RSRC2: variants seen among roughly 807,000 people sequenced by gnomAD.
RSRC2 encodes arginine/serine-rich coiled-coil protein 2.
Under a neutral mutation model 61.3 loss-of-function variants are expected in RSRC2, and 5 were observed. The observed-to-expected ratio is 0.08, with a 90% CI of 0.04 to 0.17. RSRC2 has a LOEUF of 0.17. Ranked by LOEUF, RSRC2 falls within the 10% of genes least tolerant of loss-of-function variation. The pLI is 1.00. For missense variants in RSRC2, 381 were observed against 518.8 expected, an observed-to-expected ratio of 0.73 and a Z score of 2.58; for synonymous variants, 202 against 166.5, an observed-to-expected ratio of 1.21 and a Z score of -1.64.
At chr12:122,517,473 GTT>G (rs1448494262) in intron 4 of RSRC2, 43 bp from the exon 5 acceptor site, 1 of 1,611,764 alleles carries the variant, frequency 6.2e-7, no homozygotes, top group Non-Finnish European at 8.5e-7. Context: ...TAAAAGTTGT[GTT>G]GTTTCATTTA....
chr12:122,521,478 T>C, intron 2 of RSRC2, 50 bp from the exon 3 acceptor site: 1 of 1,519,022 alleles, frequency 6.6e-7, no homozygotes, highest in South Asian at 1.1e-5. Flanking sequence ...TGGAGAAACA[T>C]TTCATCTTAA....
chr12:122,522,906 GCTATGAAAACATTAAGTTGTTT>G (rs1312537690), intron 1 of RSRC2: 1 of 152,094 alleles, frequency 6.6e-6, no homozygotes, highest in East Asian at 1.9e-4. Flanking sequence ...TGTGCTCTGG[GCTATGAAAACATTAAGTTGTTT>G]CTGCTTTAAA....
chr12:122,514,811 C>CA (rs11322682), intron 6 of RSRC2: 4,092 of 607,598 alleles, frequency 6.7e-3, no homozygotes, highest in East Asian at 0.011. Flanking sequence ...ATTTAAGACT[C>CA]AAAAAAAAAA....
intron 6 of RSRC2, among the ~76,000 whole-genome samples, chr12:122,512,005 C>G (rs1409089179): frequency 2.6e-5 from 4 of 152,038 alleles, no homozygotes; most frequent in Non-Finnish European, 5.9e-5. Flanking sequence ...TGGGGTTTCA[C>G]CAATGTTGGT....
intron 7 of RSRC2, 136 bp from the exon 8 acceptor site, chr12:122,508,583 CTGAG>C (rs1213162763): frequency 5.8e-5 from 39 of 668,190 alleles, no homozygotes; most frequent in African/African-American, 1.3e-4. Flanking sequence ...AAGGAAATGA[CTGAG>C]TATTAGCTCA....
At chr12:122,516,709 T>C (rs1958959229) in intron 5 of RSRC2, among the ~76,000 whole-genome samples, 1 of 152,178 alleles carries the variant, frequency 6.6e-6, no homozygotes. Context: ...AATTTGTTTG[T>C]TACGACAGGA....
chr12:122,515,699 A>C (rs908434805), intron 5 of RSRC2, among the ~76,000 whole-genome samples: 3 of 152,154 alleles, frequency 2.0e-5, no homozygotes, highest in Non-Finnish European at 4.4e-5. Flanking sequence ...ACCACTAAAA[A>C]TTAGGTCTGG....
At chr12:122,525,793 A>T (rs1960127700) in intron 1 of RSRC2, among the ~76,000 whole-genome samples, 1 of 145,876 alleles carries the variant, frequency 6.9e-6, no homozygotes, top group Admixed American at 7.0e-5. Flanking sequence ...CTCTGGGGTC[A>T]ACGAAGAGTT....
intron 3 of RSRC2, chr12:122,520,883 C>G: frequency 7.8e-6 from 2 of 257,872 alleles, no homozygotes; most frequent in Non-Finnish European, 1.6e-5. Context: ...TCACCGCCAC[C>G]TTTTCAGCTG....
rs112764595 is a variant in RSRC2 at position 122,508,047 on chromosome 12, G to A, written c.1035+171C>T. 2.5e-4 allele frequency: 173 copies of A among 680,476 alleles called. 1 individual carries two copies. The highest frequency in any genetic ancestry group is 2.4e-3 in the African/African-American group (138 of 56,434). The allele number at this position is 680,476 out of a possible 1,614,324, so 42.2% of individuals were successfully genotyped here. Reference sequence around the variant, plus strand: ...TTGGACTCCTTACCTCAACTGATCCGCTCACTTGGCATCCCAAAGTGCTGG... The same window carrying A: ...TTGGACTCCTTACCTCAACTGATCCACTCACTTGGCATCCCAAAGTGCTGG... On this transcript the variant is annotated intron_variant, in intron 8 of 9. Coordinates refer to ENST00000331738, the MANE Select transcript of RSRC2 (RefSeq NM_023012.6).
chr12:122,511,250 C>T, intron 6 of RSRC2, 62 bp from the exon 7 acceptor site: 4 of 1,254,184 alleles, frequency 3.2e-6, no homozygotes, highest in Non-Finnish European at 4.5e-6. Context: ...GTATATATCT[C>T]TCTATATGTG....
intron 6 of RSRC2, chr12:122,514,694 T>C (rs1013877071): frequency 1.7e-6 from 2 of 1,156,762 alleles, no homozygotes; most frequent in Non-Finnish European, 2.2e-6. Flanking sequence ...ATAATAATAT[T>C]GACAAAATTT....
intron 4 of RSRC2, among the ~76,000 whole-genome samples, chr12:122,518,396 C>A (rs1448334137): frequency 6.6e-6 from 1 of 152,042 alleles, no homozygotes; most frequent in African/African-American, 2.4e-5. Context: ...AGTTCGAGAC[C>A]AGCCTGGCCA....
At chr12:122,516,088 A>C (rs958766364) in intron 5 of RSRC2, among the ~76,000 whole-genome samples, 2 of 152,226 alleles carry the variant, frequency 1.3e-5, no homozygotes, top group African/African-American at 4.8e-5. Context: ...ATAAACTAGA[A>C]CCACTGAGTA....
intron 8 of RSRC2, chr12:122,507,280 T>A: frequency 3.7e-6 from 1 of 266,922 alleles, no homozygotes; most frequent in Non-Finnish European, 7.3e-6. Flanking sequence ...GTCTCAGGAG[T>A]CTGAGGCAGG....
At chr12:122,521,634 A>G (rs1437680088) in intron 2 of RSRC2, among the ~76,000 whole-genome samples, 1 of 152,258 alleles carries the variant, frequency 6.6e-6, no homozygotes, top group Middle Eastern at 3.2e-3. Context: ...GACATAAAGC[A>G]GCCTAGATAC....
rs933222002 is a variant in RSRC2 at position 122,508,272 on chromosome 12, T to C, written c.981A>G (p.Lys327=). The C allele has an allele frequency of 6.2e-7, 1 of 1,614,212 alleles. No homozygotes were observed. The highest frequency in any genetic ancestry group is 2.2e-5 in the East Asian group (1 of 44,878). The part of the protein sequence containing the change: ...YYNPAAVNPM[K]FAEQEKKRKM... ...TCCTTTTTTTCTCTTGTTCAGCAAA[T>C]TTCATTGGATTAACAGCGGCTGGGT... Residue 327 remains lysine (K), a synonymous_variant, in exon 8 of 10, where the codon AAA becomes AAG. Transcript: ENST00000331738.
chr12:122,522,147 C>A lies in RSRC2; in HGVS notation c.159G>T (p.Lys53Asn). 1 of 1,610,114 alleles carries A rather than the reference C, an allele frequency of 6.2e-7. No homozygotes were observed. The highest frequency in any genetic ancestry group is 8.5e-7 in the Non-Finnish European group (1 of 1,178,842). The change falls in exon 2 of 10, where the codon AAG becomes AAT. Residue 53 changes from lysine (K) to asparagine (N), a missense_variant. Physicochemically the swap from Lys to Asn is moderately conservative, Grantham distance 94. This residue lies in a region of RSRC2 where 266 missense variants were observed against 270.5 expected (regional missense o/e 0.98). Transcript: ENST00000331738. The part of the protein sequence containing the change: ...SRSRSRERKR[K>N]SDNEGRKHRS... ...ACCACCTTTAAGAATTCATACCTGA[C>A]TTTCGTTTTCTTTCTCTTGACCTTG...
intron 3 of RSRC2, chr12:122,520,478 TAGG>T: frequency 8.3e-7 from 1 of 1,202,220 alleles, no homozygotes. Context: ...TTAAGGGAAA[TAGG>T]AGTTTGAATG....
Sources: allele counts gnomAD v4.1 joint callset (sites outside exome capture counted in the v4.1 genomes callset), GRCh38; gene constraint gnomAD v4.1.1; regional missense constraint gnomAD v4.1.1; transcripts MANE v1.5; gene names NCBI Gene and HGNC (gene_info 2026-07-23, HGNC 2026-07-21).